Variants in ELAPOR1 observed in about 807,000 individuals in gnomAD.
The protein encoded by ELAPOR1 is endosome-lysosome associated apoptosis and autophagy regulator 1, also known as endosome/lysosome-associated apoptosis and autophagy regulator 1.
ELAPOR1 carries 77 observed loss-of-function variants against 119.7 expected under a neutral mutation model. The ratio of observed to expected loss-of-function variants is 0.64; its 90% CI spans 0.54 to 0.78. The LOEUF (loss-of-function observed/expected upper bound fraction) is 0.78. Ranked by LOEUF, ELAPOR1 falls within the 30% of genes least tolerant of loss-of-function variation. The pLI, the probability that ELAPOR1 is intolerant of heterozygous loss-of-function variation, is 0.00. For missense variants in ELAPOR1, 1,115 were observed against 1,270.4 expected, an observed-to-expected ratio of 0.88 and a Z score of 1.86; for synonymous variants, 481 against 487.2, an observed-to-expected ratio of 0.99 and a Z score of 0.17.
intron 7 of ELAPOR1, among the ~76,000 whole-genome samples, chr1:109,175,740 T>G (rs1478470696): frequency 7.2e-6 from 1 of 139,180 alleles, no homozygotes; most frequent in Non-Finnish European, 1.5e-5. Flanking sequence ...GGCTGGAGAA[T>G]CACTTGAACC....
chr1:109,166,089 G>A (rs1651583394), intron 3 of ELAPOR1, among the ~76,000 whole-genome samples: 1 of 151,964 alleles, frequency 6.6e-6, no homozygotes, highest in Non-Finnish European at 1.5e-5. Context: ...CTAATTTTTT[G>A]TATTTTTAGT....
chr1:109,183,480 C>T (rs576682452), intron 7 of ELAPOR1, among the ~76,000 whole-genome samples: 2 of 152,096 alleles, frequency 1.3e-5, no homozygotes, highest in South Asian at 4.1e-4. Flanking sequence ...GCAGAGCTAA[C>T]ATTGAAAGGA....
At chr1:109,120,285 T>A (rs1648309569) in intron 1 of ELAPOR1, among the ~76,000 whole-genome samples, 1 of 151,934 alleles carries the variant, frequency 6.6e-6, no homozygotes, top group South Asian at 2.1e-4. Context: ...TAATTCCAGC[T>A]ACTTGGGAGG....
At chr1:109,137,677 C>A (rs1007925240) in intron 1 of ELAPOR1, among the ~76,000 whole-genome samples, 1 of 151,582 alleles carries the variant, frequency 6.6e-6, no homozygotes, top group Non-Finnish European at 1.5e-5. Flanking sequence ...TACAGGCATG[C>A]GCCACCACCC....
chr1:109,136,964 G>A (rs942227958), intron 1 of ELAPOR1, among the ~76,000 whole-genome samples: 1 of 152,062 alleles, frequency 6.6e-6, no homozygotes, highest in Admixed American at 6.6e-5. Flanking sequence ...TGTGGAGGAG[G>A]GGAGCTCCCA....
At position 109,189,055 on chromosome 1, in the gene ELAPOR1, T is replaced by TG; in HGVS notation, c.1220-9dup. 6.2e-7 allele frequency: 1 copy of TG among 1,612,824 alleles called. No homozygotes were observed. The highest frequency in any genetic ancestry group is 8.5e-7 in the Non-Finnish European group (1 of 1,179,602). On this transcript the variant is annotated splice_polypyrimidine_tract_variant and intron_variant, in intron 9 of 21. Coordinates refer to ENST00000369939, the MANE Select transcript of ELAPOR1 (RefSeq NM_020775.5). ...CCACTGAATGCATGGATCTTGTTTG[T>TG]GGTTCCCCAGACTGTACCCGCTGCC...
intron 1 of ELAPOR1, among the ~76,000 whole-genome samples, chr1:109,138,061 C>T (rs945050786): frequency 1.3e-5 from 2 of 152,220 alleles, no homozygotes; most frequent in South Asian, 4.1e-4. Flanking sequence ...TAGTGGGAAT[C>T]TCTTCTGAAA....
intron 5 of ELAPOR1, 86 bp downstream of exon 5, chr1:109,172,654 C>A: frequency 1.1e-6 from 1 of 939,310 alleles, no homozygotes; most frequent in Non-Finnish European, 1.7e-6. Flanking sequence ...CCAGTCTGAG[C>A]CTCCACCCCA....
At position 109,204,383 on chromosome 1, in the gene ELAPOR1, G is replaced by A. The variant is rs1654370113; in HGVS notation, c.*1371G>A. The A allele has an allele frequency of 6.6e-6, 1 of 152,136 alleles. No individual in the cohort carries two copies. Among genetic ancestry groups the A allele is most frequent in the African/African-American group, 2.4e-5 (1 of 41,414 alleles). The allele number at this position is 152,136 out of a possible 1,614,324, so 9.4% of individuals were successfully genotyped here. ...TTTAAACCTTCCACTATCACTCTATGACACTGAAAAGAACCAGGTAAGCCC... is the reference window on the plus strand; with the variant it reads ...TTTAAACCTTCCACTATCACTCTATAACACTGAAAAGAACCAGGTAAGCCC... On this transcript the variant is annotated 3_prime_UTR_variant, in exon 22 of 22. Coordinates refer to ENST00000369939, the MANE Select transcript of ELAPOR1 (RefSeq NM_020775.5).
At chr1:109,165,297 C>G (rs1016276373) in intron 3 of ELAPOR1, among the ~76,000 whole-genome samples, 4 of 152,032 alleles carry the variant, frequency 2.6e-5, no homozygotes, top group African/African-American at 2.4e-5. Flanking sequence ...CATTGAAAAA[C>G]AAAAACCGGC....
intron 3 of ELAPOR1, among the ~76,000 whole-genome samples, chr1:109,169,118 G>T (rs1651771950): frequency 6.6e-6 from 1 of 152,140 alleles, no homozygotes; most frequent in Non-Finnish European, 1.5e-5. Context: ...TTTTGGATGA[G>T]CTCATGTTAT....
At chr1:109,141,595 T>G (rs1649833031) in intron 1 of ELAPOR1, among the ~76,000 whole-genome samples, 1 of 152,156 alleles carries the variant, frequency 6.6e-6, no homozygotes, top group Non-Finnish European at 1.5e-5. Context: ...GAGCCAGTAT[T>G]GCCACTACAA....
intron 1 of ELAPOR1, among the ~76,000 whole-genome samples, chr1:109,131,004 A>G (rs906537391): frequency 6.6e-6 from 1 of 152,054 alleles, no homozygotes; most frequent in Non-Finnish European, 1.5e-5. Flanking sequence ...ACTATCTCAC[A>G]ATTTCTGTGG....
intron 1 of ELAPOR1, among the ~76,000 whole-genome samples, chr1:109,139,429 G>A (rs1649688586): frequency 6.6e-6 from 1 of 152,148 alleles, no homozygotes; most frequent in Non-Finnish European, 1.5e-5. Context: ...AGATACTGGG[G>A]ATACACAGAA....
intron 1 of ELAPOR1, among the ~76,000 whole-genome samples, chr1:109,120,242 G>A (rs6537650): frequency 1 from 152,144 of 152,146 alleles, 76,071 homozygotes; most frequent in Non-Finnish European, 1. Flanking sequence ...TACAAAAAAT[G>A]CAAAACCTAG....
Position 109,191,940 on chromosome 1 carries a change from T to C in ELAPOR1, c.1683+77T>C, listed in dbSNP as rs111700220. The C allele has an allele frequency of 4.0e-3, 6,160 of 1,542,892 alleles. 102 individuals are homozygous for C. Among genetic ancestry groups the C allele is most frequent in the South Asian group, 0.037 (3,143 of 85,690 alleles). ...AGGACTCCTAGCATTAGCTTAAGTA[T>C]GAGTGTGAAGTTCAGAATCTGAGGG... On this transcript the variant is annotated intron_variant, in intron 13 of 21. Coordinates refer to ENST00000369939, the MANE Select transcript of ELAPOR1 (RefSeq NM_020775.5).
chr1:109,159,616 A>G (rs1197082285), intron 1 of ELAPOR1, among the ~76,000 whole-genome samples: 1 of 152,182 alleles, frequency 6.6e-6, no homozygotes, highest in Non-Finnish European at 1.5e-5. Flanking sequence ...GTCAGAGTCT[A>G]TAAGGGTGGA....
At chr1:109,153,246 A>G (rs1650648559) in intron 1 of ELAPOR1, among the ~76,000 whole-genome samples, 1 of 152,198 alleles carries the variant, frequency 6.6e-6, no homozygotes, top group Non-Finnish European at 1.5e-5. Context: ...TTCTCTTAGA[A>G]ATCTCTTGAT....
At chr1:109,186,610 C>A in intron 8 of ELAPOR1, 2 of 985,436 alleles carry the variant, frequency 2.0e-6, no homozygotes, top group Non-Finnish European at 2.4e-6. Context: ...TCAGTTGCAC[C>A]TTAGACTCAG....
Sources: gnomAD v4.1 joint callset for allele counts (sites outside exome capture counted in the v4.1 genomes callset) on GRCh38, gnomAD v4.1.1 for gene constraint, MANE v1.5 for transcripts, NCBI Gene and HGNC (gene_info 2026-07-23, HGNC 2026-07-21) for gene names.